CAB39: variants seen among roughly 807,000 people sequenced by gnomAD.
CAB39 encodes calcium-binding protein 39.
CAB39 carries 8 observed loss-of-function variants against 40.0 expected under a neutral mutation model. That is an observed-to-expected ratio of 0.20 (90% confidence interval 0.12 to 0.36). The LOEUF (loss-of-function observed/expected upper bound fraction) is 0.36, where lower values mean the gene tolerates loss of function less well. Among genes scored for constraint, CAB39 ranks in the 10% least tolerant of loss-of-function variants. The pLI is 1.00. For synonymous variants in CAB39, 156 were observed against 141.6 expected (o/e 1.10, Z -0.72); for missense variants, 270 against 401.1 (o/e 0.67, Z 2.79).
chr2:230,751,850 T>A (rs2124907171), intron 1 of CAB39, among the ~76,000 whole-genome samples: 1 of 152,282 alleles, frequency 6.6e-6, no homozygotes, highest in Non-Finnish European at 1.5e-5. Flanking sequence ...GCCAAACTAC[T>A]AATAATGACT....
chr2:230,782,909 T>C (rs1242056117), intron 2 of CAB39, among the ~76,000 whole-genome samples: 4 of 149,646 alleles, frequency 2.7e-5, no homozygotes, highest in Admixed American at 2.0e-4. Flanking sequence ...GCCTCCTGGG[T>C]TCACGCCATT....
At chr2:230,754,382 T>C in intron 1 of CAB39, among the ~76,000 whole-genome samples, 1 of 143,674 alleles carries the variant, frequency 7.0e-6, no homozygotes. Context: ...TGCCTTCCTC[T>C]TCCCCTCCTT....
intron 2 of CAB39, among the ~76,000 whole-genome samples, chr2:230,774,834 T>G (rs1464059705): frequency 2.0e-5 from 3 of 152,102 alleles, no homozygotes; most frequent in Non-Finnish European, 4.4e-5. Flanking sequence ...ATCATTCAGC[T>G]TAGACTATGC....
chr2:230,797,242 C>T (rs1696002206), intron 4 of CAB39, among the ~76,000 whole-genome samples: 1 of 152,080 alleles, frequency 6.6e-6, no homozygotes. Flanking sequence ...TGAAGCCTGA[C>T]ATTGAAGTTG....
Position 230,712,879 on chromosome 2 carries a change from G to C in CAB39, c.-395G>C, listed in dbSNP as rs1694270085. On this transcript the variant is annotated 5_prime_UTR_variant, in exon 1 of 9. Coordinates refer to ENST00000258418, the MANE Select transcript of CAB39 (RefSeq NM_016289.4). ...TCAAAGCCGGGCTCGGGCCGCAAGC[G>C]GGGCGAGGGGTTCGGGGAGCGGCGC... 1 of 151,974 alleles carries C rather than the reference G, an allele frequency of 6.6e-6. No individual in the cohort carries two copies. Among genetic ancestry groups the C allele is most frequent in the Admixed American group, 6.6e-5 (1 of 15,238 alleles). The allele number at this position is 151,974 out of a possible 1,614,324, so 9.4% of individuals were successfully genotyped here.
chr2:230,782,379 C>T (rs551599539), intron 2 of CAB39, among the ~76,000 whole-genome samples: 121 of 151,514 alleles, frequency 8.0e-4, no homozygotes, highest in Non-Finnish European at 1.1e-3. Flanking sequence ...GGGGATGTCT[C>T]GTGGGGAGGG....
chr2:230,731,567 A>G (rs1008602408), intron 1 of CAB39, among the ~76,000 whole-genome samples: 2 of 152,214 alleles, frequency 1.3e-5, no homozygotes, highest in Admixed American at 1.3e-4. Flanking sequence ...CATTAGTGTC[A>G]TCATAGCTCA....
chr2:230,723,151 AT>A (rs1157334410), intron 1 of CAB39, among the ~76,000 whole-genome samples: 1 of 152,180 alleles, frequency 6.6e-6, no homozygotes, highest in Admixed American at 6.5e-5. Context: ...AAATAAAAAA[AT>A]AAAAGTTACT....
At chr2:230,739,326 A>G (rs972499045) in intron 1 of CAB39, among the ~76,000 whole-genome samples, 1 of 152,270 alleles carries the variant, frequency 6.6e-6, no homozygotes, top group Non-Finnish European at 1.5e-5. Flanking sequence ...AGTTCTAAAG[A>G]TATGATAATT....
chr2:230,813,953 C>A, intron 6 of CAB39, 96 bp from the exon 7 acceptor site: 1 of 560,064 alleles, frequency 1.8e-6, no homozygotes, highest in Non-Finnish European at 2.9e-6. Context: ...TGTCCTTAAG[C>A]TAATTTACAA....
Position 230,740,133 on chromosome 2 carries a change from A to C in CAB39, c.-43-19826A>C, listed in dbSNP as rs560701107. Among the ~76,000 whole-genome samples, 77 of 152,342 alleles carry C rather than the reference A, an allele frequency of 5.1e-4. 1 individual carries two copies. Among genetic ancestry groups the C allele is most frequent in the African/African-American group, 1.7e-3 (69 of 41,580 alleles). ...GCATCATGGGTCATGAGGTCAAAGT[A>C]GTCTGTACGCCACCAGTGATACTAT... On this transcript the variant is annotated intron_variant, in intron 1 of 8. Transcript: ENST00000258418.
At chr2:230,733,145 G>T (rs562403019) in intron 1 of CAB39, among the ~76,000 whole-genome samples, 1 of 152,250 alleles carries the variant, frequency 6.6e-6, no homozygotes, top group South Asian at 2.1e-4. Flanking sequence ...ATTAGTAGGG[G>T]TGGCCAAGTG....
At chr2:230,761,246 G>A (rs1275254586) in intron 2 of CAB39, among the ~76,000 whole-genome samples, 1 of 152,074 alleles carries the variant, frequency 6.6e-6, no homozygotes, top group Non-Finnish European at 1.5e-5. Context: ...GTATCAAAAG[G>A]CAAAGATGTT....
intron 1 of CAB39, 57 bp from the exon 2 acceptor site, chr2:230,759,902 A>T: frequency 1.7e-6 from 1 of 605,738 alleles, no homozygotes; most frequent in Non-Finnish European, 3.0e-6. Context: ...GGATTTAGAA[A>T]GTCTGTCTTC....
intron 2 of CAB39, among the ~76,000 whole-genome samples, chr2:230,762,227 G>A (rs1010040037): frequency 5.9e-5 from 9 of 152,056 alleles, no homozygotes; most frequent in African/African-American, 9.7e-5. Context: ...TATTGTAAAC[G>A]CAGGATTCAA....
chr2:230,808,722 A>G (rs966045955), intron 5 of CAB39, among the ~76,000 whole-genome samples: 2 of 152,152 alleles, frequency 1.3e-5, no homozygotes, highest in Admixed American at 6.5e-5. Flanking sequence ...CCCTGTTATG[A>G]TCAGGAAATA....
intron 3 of CAB39, 139 bp from the exon 4 acceptor site, chr2:230,793,074 T>C: frequency 1.8e-6 from 1 of 562,696 alleles, no homozygotes. Flanking sequence ...AGAGATAATT[T>C]AATGTCTATG....
intron 2 of CAB39, among the ~76,000 whole-genome samples, chr2:230,761,096 A>G (rs2124920298): frequency 6.6e-6 from 1 of 151,864 alleles, no homozygotes; most frequent in African/African-American, 2.4e-5. Flanking sequence ...ATTTGCATGT[A>G]CATAATGAGA....
chr2:230,790,696 C>A (rs761056579), intron 2 of CAB39, among the ~76,000 whole-genome samples, 176 bp from the exon 3 acceptor site: 1 of 152,158 alleles, frequency 6.6e-6, no homozygotes, highest in Non-Finnish European at 1.5e-5. Flanking sequence ...CCCATGTGCA[C>A]GCAGACATAG....
Sources: allele counts gnomAD v4.1 joint callset (sites outside exome capture counted in the v4.1 genomes callset), GRCh38; gene constraint gnomAD v4.1.1; transcripts MANE v1.5; gene names NCBI Gene and HGNC (gene_info 2026-07-23, HGNC 2026-07-21).